Variants in TRDN observed in about 807,000 individuals in gnomAD.
TRDN encodes triadin.
In TRDN, 161 loss-of-function variants were observed where a neutral mutation model predicts 149.7. The ratio of observed to expected loss-of-function variants is 1.08; its 90% confidence interval spans 0.95 to 1.23. The LOEUF (loss-of-function observed/expected upper bound fraction) is 1.23. Among genes scored for constraint, TRDN ranks in the 50% most tolerant of loss-of-function variants. The pLI is 0.00. For missense variants in TRDN, 896 were observed against 823.5 expected (o/e 1.09, Z -1.08); for synonymous variants, 294 against 250.5 (o/e 1.17, Z -1.64).
At chr6:123,513,393 C>T (rs1779266059) in intron 6 of TRDN, among the ~76,000 whole-genome samples, 1 of 152,094 alleles carries the variant, frequency 6.6e-6, no homozygotes, top group Non-Finnish European at 1.5e-5. Flanking sequence ...AATTTGAATA[C>T]ATTTTTTTCT....
At chr6:123,330,190 T>A (rs1043549817) in intron 23 of TRDN, among the ~76,000 whole-genome samples, 1 of 152,084 alleles carries the variant, frequency 6.6e-6, no homozygotes, top group African/African-American at 2.4e-5. Flanking sequence ...CTGCACCTTT[T>A]AAAAATATTT....
At chr6:123,310,907 T>G (rs547660486) in intron 24 of TRDN, among the ~76,000 whole-genome samples, 2 of 152,040 alleles carry the variant, frequency 1.3e-5, no homozygotes, top group Non-Finnish European at 2.9e-5. Flanking sequence ...TTAACTCTAC[T>G]GTTCTGTGCA....
chr6:123,518,317 CA>C (rs557680758), intron 5 of TRDN, among the ~76,000 whole-genome samples: 39 of 152,272 alleles, frequency 2.6e-4, no homozygotes, highest in Admixed American at 2.4e-3. Flanking sequence ...ATACTGACCA[CA>C]AATGGTTTAT....
intron 10 of TRDN, among the ~76,000 whole-genome samples, chr6:123,449,237 GA>G (rs1312213467): frequency 6.6e-6 from 1 of 152,126 alleles, no homozygotes; most frequent in East Asian, 1.9e-4. Flanking sequence ...TGATTTACCT[GA>G]AAAAGAATTC....
chr6:123,301,754 T>TATATATATATAC (rs1554221683), intron 24 of TRDN, among the ~76,000 whole-genome samples: 1,387 of 65,538 alleles, frequency 0.021, 16 homozygotes, highest in Non-Finnish European at 0.027. Flanking sequence ...TATATATACA[T>TATATATATATAC]ATATATATAT....
At chr6:123,324,792 C>T (rs1779380869) in intron 23 of TRDN, among the ~76,000 whole-genome samples, 1 of 152,130 alleles carries the variant, frequency 6.6e-6, no homozygotes, top group African/African-American at 2.4e-5. Context: ...CAGAGAAAAT[C>T]CTGGCCCCCT....
chr6:123,221,454 G>A lies in TRDN; in HGVS notation c.2050+33C>T, dbSNP rs752234070. 8.8e-6 allele frequency: 13 copies of A among 1,473,776 alleles called. No individual in the cohort carries two copies. In the African/African-American group the frequency reaches 1.7e-4, roughly 19 times the overall value. 91.3% of individuals were successfully genotyped at this position (1,473,776 alleles called of 1,614,324 possible). Reference sequence around the variant, plus strand: ...AGATGTAGCATCTTTAATACAGAATGATTTATTACTTTTAATCTCATTATA... The same window carrying A: ...AGATGTAGCATCTTTAATACAGAATAATTTATTACTTTTAATCTCATTATA... On this transcript the variant is annotated intron_variant, in intron 40 of 40. Transcript: ENST00000334268.
Position 123,492,792 on chromosome 6 carries a change from A to T in TRDN, c.853+4401T>A, listed in dbSNP as rs578171780. On this transcript the variant is annotated intron_variant, in intron 9 of 40. Coordinates refer to ENST00000334268, the MANE Select transcript of TRDN (RefSeq NM_006073.4). ...AAATTGTGTTTTGATGTTGCAAATAATGTCTGTCTTGACCAGTTTTAATAG... is the reference window on the plus strand; with the variant it reads ...AAATTGTGTTTTGATGTTGCAAATATTGTCTGTCTTGACCAGTTTTAATAG... Among the ~76,000 whole-genome samples, 3 of 152,290 alleles carry T rather than the reference A, an allele frequency of 2.0e-5. No individual in the cohort carries two copies. The South Asian group carries it at 6.2e-4, about 32-fold the overall frequency.
intron 4 of TRDN, 123 bp downstream of exon 4, chr6:123,547,217 A>T (rs985122773): frequency 5.0e-6 from 3 of 598,420 alleles, no homozygotes; most frequent in Admixed American, 4.0e-5. Context: ...CTGACTATAA[A>T]TCTTGACCTA....
At chr6:123,369,319 GA>G (rs1781234116) in intron 19 of TRDN, among the ~76,000 whole-genome samples, 1 of 152,116 alleles carries the variant, frequency 6.6e-6, no homozygotes, top group South Asian at 2.1e-4. Flanking sequence ...GTATATCTAT[GA>G]AGACCCTATT....
intron 38 of TRDN, among the ~76,000 whole-genome samples, chr6:123,248,868 C>G (rs1370327084): frequency 3.3e-5 from 5 of 152,054 alleles, no homozygotes; most frequent in African/African-American, 1.2e-4. Flanking sequence ...ACTCAATCTA[C>G]AAGGTCAGCA....
chr6:123,338,841 G>T (rs561794241), intron 21 of TRDN, among the ~76,000 whole-genome samples: 21 of 152,214 alleles, frequency 1.4e-4, no homozygotes, highest in African/African-American at 4.8e-4. Flanking sequence ...AAGTACTCCA[G>T]TAAAGTTATA....
chr6:123,290,899 G>C (rs569933782), intron 24 of TRDN, among the ~76,000 whole-genome samples: 1 of 152,312 alleles, frequency 6.6e-6, no homozygotes, highest in Non-Finnish European at 1.5e-5. Flanking sequence ...GATCACAACT[G>C]TAATCTCAGC....
At chr6:123,374,896 T>C (rs1254958616) in intron 19 of TRDN, among the ~76,000 whole-genome samples, 1 of 152,176 alleles carries the variant, frequency 6.6e-6, no homozygotes, top group Non-Finnish European at 1.5e-5. Context: ...TCAAAAAATA[T>C]ATAAGCACAT....
intron 9 of TRDN, among the ~76,000 whole-genome samples, chr6:123,493,116 AC>A (rs1433117201): frequency 6.6e-6 from 1 of 152,140 alleles, no homozygotes; most frequent in Non-Finnish European, 1.5e-5. Flanking sequence ...ACCTAAAATT[AC>A]AAAATGTACA....
chr6:123,273,916 G>A (rs1218815469), intron 27 of TRDN, among the ~76,000 whole-genome samples: 1 of 151,888 alleles, frequency 6.6e-6, no homozygotes. Context: ...ATGTAGACTT[G>A]GAAAGGTCAT....
intron 1 of TRDN, among the ~76,000 whole-genome samples, chr6:123,623,606 TATTA>T (rs1324810243): frequency 6.6e-6 from 1 of 152,184 alleles, no homozygotes; most frequent in Admixed American, 6.6e-5. Context: ...TCACCATATT[TATTA>T]ATTTAGTTTA....
At chr6:123,484,445 A>G (rs1260664495) in intron 9 of TRDN, among the ~76,000 whole-genome samples, 1 of 152,198 alleles carries the variant, frequency 6.6e-6, no homozygotes, top group African/African-American at 2.4e-5. Flanking sequence ...AAACTAACAG[A>G]TAAGATTATT....
intron 5 of TRDN, among the ~76,000 whole-genome samples, chr6:123,529,949 T>A (rs1780153268): frequency 6.6e-6 from 1 of 152,062 alleles, no homozygotes; most frequent in African/African-American, 2.4e-5. Context: ...CTTAATTTGC[T>A]TCTGCTGCAA....
Sources: allele counts gnomAD v4.1 joint callset (sites outside exome capture counted in the v4.1 genomes callset), GRCh38; gene constraint gnomAD v4.1.1; transcripts MANE v1.5; gene names NCBI Gene and HGNC (gene_info 2026-07-23, HGNC 2026-07-21).